GPHN: variants seen among roughly 807,000 people sequenced by gnomAD.
The protein encoded by GPHN is gephyrin.
GPHN carries 17 observed loss-of-function variants against 95.5 expected under a neutral mutation model. The ratio of observed to expected loss-of-function variants is 0.18; its 90% CI spans 0.12 to 0.27. GPHN has a LOEUF of 0.27. Among genes scored for constraint, GPHN ranks in the 10% least tolerant of loss-of-function variants. The pLI is 1.00. For synonymous variants in GPHN, 320 were observed against 322.5 expected (o/e 0.99, Z 0.08); for missense variants, 660 against 978.1 (o/e 0.67, Z 4.34).
At chr14:66,778,272 A>G (rs926780578) in intron 3 of GPHN, among the ~76,000 whole-genome samples, 11 of 152,324 alleles carry the variant, frequency 7.2e-5, no homozygotes, top group East Asian at 1.9e-4. Flanking sequence ...TACAAGGGAC[A>G]TGAAGGACCT....
the GPHN span, among the ~76,000 whole-genome samples, chr14:67,598,713 C>CTTTTTTTT: frequency 6.9e-6 from 1 of 144,390 alleles, no homozygotes; most frequent in Non-Finnish European, 1.5e-5. Flanking sequence ...TATGAACAAA[C>CTTTTTTTT]TTTTTTTTTT....
intron 8 of GPHN, among the ~76,000 whole-genome samples, chr14:66,946,631 C>G (rs1363418201): frequency 6.6e-6 from 1 of 152,128 alleles, no homozygotes; most frequent in Non-Finnish European, 1.5e-5. Context: ...TCTCGAACTC[C>G]TGACCTCATG....
At chr14:66,576,037 G>A (rs2060886642) in intron 1 of GPHN, among the ~76,000 whole-genome samples, 1 of 152,148 alleles carries the variant, frequency 6.6e-6, no homozygotes, top group Admixed American at 6.5e-5. Flanking sequence ...CCAGCACTGG[G>A]ATCTACTAGG....
At chr14:66,728,649 A>G (rs954581586) in intron 2 of GPHN, among the ~76,000 whole-genome samples, 1 of 151,930 alleles carries the variant, frequency 6.6e-6, no homozygotes, top group Non-Finnish European at 1.5e-5. Flanking sequence ...GTTTTGGCCA[A>G]TTTCTCCCAT....
chr14:66,693,205 G>A (rs116860692), intron 2 of GPHN, among the ~76,000 whole-genome samples: 2,027 of 152,088 alleles, frequency 0.013, 21 homozygotes, highest in Non-Finnish European at 0.018. Context: ...CTGTTTCTAC[G>A]TTTAATCTGT....
chr14:66,891,856 G>C (rs566643127), intron 5 of GPHN, among the ~76,000 whole-genome samples: 2 of 151,942 alleles, frequency 1.3e-5, no homozygotes, highest in South Asian at 4.2e-4. Context: ...ATACACAAAT[G>C]ACTGATAACA....
intron 4 of GPHN, among the ~76,000 whole-genome samples, chr14:66,861,244 T>C (rs1264131384): frequency 6.6e-6 from 1 of 152,060 alleles, no homozygotes; most frequent in Non-Finnish European, 1.5e-5. Flanking sequence ...TAAGGCAAAA[T>C]AGTTTTCTAA....
the GPHN span, chr14:67,575,556 C>T: frequency 1.1e-6 from 1 of 876,528 alleles, no homozygotes; most frequent in Non-Finnish European, 1.9e-6. Context: ...ATGAAAGTCC[C>T]TACCCCACGT....
the GPHN span, among the ~76,000 whole-genome samples, chr14:67,492,047 A>T: frequency 6.6e-6 from 1 of 151,780 alleles, no homozygotes. Context: ...CTTCTGTCTC[A>T]CTTGGAGGCC....
chr14:67,594,008 C>G, the GPHN span: 1 of 1,198,856 alleles, frequency 8.3e-7, no homozygotes, highest in African/African-American at 1.5e-5. Flanking sequence ...CAGTCAACTC[C>G]AGGCAATGAG....
At chr14:67,154,650 C>G (rs1366123216) in intron 18 of GPHN, among the ~76,000 whole-genome samples, 1 of 151,706 alleles carries the variant, frequency 6.6e-6, no homozygotes, top group Non-Finnish European at 1.5e-5. Flanking sequence ...GTTTCCTGTT[C>G]TCAAGAACTT....
At chr14:67,506,610 G>T in the GPHN span, among the ~76,000 whole-genome samples, 1 of 152,306 alleles carries the variant, frequency 6.6e-6, no homozygotes, top group African/African-American at 2.4e-5. Flanking sequence ...GGTGGGTTCA[G>T]TGGGAACTCA....
chr14:66,766,902 A>G (rs2058979355), intron 2 of GPHN, among the ~76,000 whole-genome samples: 2 of 151,976 alleles, frequency 1.3e-5, no homozygotes, highest in African/African-American at 4.8e-5. Context: ...TTTACCAACT[A>G]TAGTTTTCTT....
the GPHN span, among the ~76,000 whole-genome samples, chr14:67,492,542 G>A: frequency 6.6e-6 from 1 of 152,342 alleles, no homozygotes; most frequent in East Asian, 1.9e-4. Context: ...TGTCCTGGAG[G>A]TTACCCTGCC....
chr14:67,309,208 C>T, the GPHN span, among the ~76,000 whole-genome samples: 7 of 151,968 alleles, frequency 4.6e-5, no homozygotes, highest in Admixed American at 1.3e-4. Flanking sequence ...TTTAAAGGGG[C>T]TTTTTTTGTT....
chr14:66,586,364 A>T (rs926476551), intron 1 of GPHN, among the ~76,000 whole-genome samples: 1 of 152,156 alleles, frequency 6.6e-6, no homozygotes, highest in African/African-American at 2.4e-5. Context: ...GTGTCTTTTA[A>T]TTGGAGCATT....
intron 11 of GPHN, among the ~76,000 whole-genome samples, chr14:67,079,755 C>T (rs1188367563): frequency 2.0e-5 from 3 of 152,062 alleles, no homozygotes; most frequent in Non-Finnish European, 4.4e-5. Context: ...TTAAATAACT[C>T]TTACACCTCC....
chr14:66,528,256 G>A (rs1410716192), intron 1 of GPHN, among the ~76,000 whole-genome samples: 1 of 152,170 alleles, frequency 6.6e-6, no homozygotes, highest in Non-Finnish European at 1.5e-5. Context: ...TTGGCTTAAA[G>A]TCTGTTTTAT....
At chr14:66,961,255 T>A (rs1025215893) in intron 8 of GPHN, among the ~76,000 whole-genome samples, 6 of 152,044 alleles carry the variant, frequency 3.9e-5, no homozygotes, top group Non-Finnish European at 8.8e-5. Flanking sequence ...AGAGTTCTGG[T>A]AAAGTTTATT....
Sources: gnomAD v4.1 joint callset for allele counts (sites outside exome capture counted in the v4.1 genomes callset) on GRCh38, gnomAD v4.1.1 for gene constraint, MANE v1.5 for transcripts, NCBI Gene and HGNC (gene_info 2026-07-23, HGNC 2026-07-21) for gene names.